The following GSG1L variants were observed in gnomAD, a reference collection of about 807,000 sequenced individuals.
The protein encoded by GSG1L is GSG1 like.
A neutral mutation model predicts 42.1 loss-of-function variants in GSG1L; 24 were observed. That is an observed-to-expected ratio of 0.57 (90% CI 0.41 to 0.80). The LOEUF is 0.80. GSG1L is among the 30% of genes least tolerant of loss of function. The pLI is 0.00. For missense variants in GSG1L, 445 were observed against 472.2 expected (o/e 0.94, Z 0.53); for synonymous variants, 215 against 203.5 (o/e 1.06, Z -0.48).
intron 5 of GSG1L, among the ~76,000 whole-genome samples, chr16:27,820,634 G>T (rs1010370460): frequency 6.6e-6 from 1 of 152,176 alleles, no homozygotes; most frequent in African/African-American, 2.4e-5. Flanking sequence ...CCCCTTCCCT[G>T]TGCACAAACC....
chr16:27,931,821 G>T (rs1212682413), intron 2 of GSG1L, among the ~76,000 whole-genome samples: 1 of 152,176 alleles, frequency 6.6e-6, no homozygotes, highest in African/African-American at 2.4e-5. Context: ...GAACAGACAG[G>T]CACAGGAGGA....
chr16:27,832,057 T>A (rs1488107616), intron 4 of GSG1L, among the ~76,000 whole-genome samples: 1 of 152,214 alleles, frequency 6.6e-6, no homozygotes, highest in Non-Finnish European at 1.5e-5. Context: ...CTCTCCATCA[T>A]TCTGTATCAC....
intron 2 of GSG1L, among the ~76,000 whole-genome samples, chr16:27,894,583 T>C (rs185879260): frequency 6.6e-6 from 1 of 152,310 alleles, no homozygotes; most frequent in Admixed American, 6.5e-5. Context: ...TTGAATCATG[T>C]AGATGATGTG....
chr16:27,992,656 T>C (rs1169968524), intron 1 of GSG1L, among the ~76,000 whole-genome samples: 1 of 152,192 alleles, frequency 6.6e-6, no homozygotes. Context: ...TCCCTCAGCC[T>C]TTGGGGATAG....
chr16:27,802,314 T>C (rs560407123), intron 6 of GSG1L, among the ~76,000 whole-genome samples: 3 of 152,284 alleles, frequency 2.0e-5, no homozygotes, highest in African/African-American at 7.2e-5. Flanking sequence ...ATCCCTGAAG[T>C]CACGGGATCT....
chr16:27,900,254 A>G (rs181526425), intron 2 of GSG1L, among the ~76,000 whole-genome samples: 24 of 152,368 alleles, frequency 1.6e-4, no homozygotes, highest in Non-Finnish European at 3.1e-4. Flanking sequence ...CGGAGGGCCA[A>G]GCACCGAGCT....
At chr16:27,853,121 A>G (rs1025988530) in intron 3 of GSG1L, among the ~76,000 whole-genome samples, 2 of 152,202 alleles carry the variant, frequency 1.3e-5, no homozygotes, top group African/African-American at 2.4e-5. Flanking sequence ...GTTTCATGAG[A>G]CCAATCGGCT....
intron 2 of GSG1L, among the ~76,000 whole-genome samples, chr16:27,936,458 C>T (rs139318868): frequency 5.3e-5 from 8 of 152,318 alleles, no homozygotes; most frequent in African/African-American, 1.4e-4. Flanking sequence ...GCACCTCCCT[C>T]CGTCTCTTGC....
chr16:27,883,349 T>C (rs1293179627), intron 3 of GSG1L, among the ~76,000 whole-genome samples: 2 of 151,934 alleles, frequency 1.3e-5, no homozygotes, highest in Non-Finnish European at 2.9e-5. Context: ...GGGGATGGGG[T>C]GCATGGAGGC....
intron 1 of GSG1L, among the ~76,000 whole-genome samples, chr16:28,030,499 G>T (rs547213426): frequency 1.3e-5 from 2 of 152,118 alleles, no homozygotes; most frequent in Non-Finnish European, 2.9e-5. Context: ...CAGACAGAAG[G>T]ACAATGGGAA....
chr16:27,792,906 C>T (rs1272325469), intron 6 of GSG1L, among the ~76,000 whole-genome samples: 2 of 152,216 alleles, frequency 1.3e-5, no homozygotes, highest in Non-Finnish European at 2.9e-5. Context: ...GGAGCCGAGG[C>T]TCTGTAAGGA....
intron 6 of GSG1L, among the ~76,000 whole-genome samples, chr16:27,797,151 T>A (rs72780141): frequency 1.3e-5 from 2 of 152,102 alleles, no homozygotes; most frequent in East Asian, 1.9e-4. Flanking sequence ...CTGCTGAGAC[T>A]TGAATCTAGC....
intron 5 of GSG1L, among the ~76,000 whole-genome samples, chr16:27,814,153 C>A (rs1220200049): frequency 6.6e-6 from 1 of 152,140 alleles, no homozygotes; most frequent in Non-Finnish European, 1.5e-5. Context: ...ACTCTGTCAC[C>A]CAGGCTGGAG....
At chr16:27,924,094 T>G (rs2084563005) in intron 2 of GSG1L, among the ~76,000 whole-genome samples, 1 of 152,022 alleles carries the variant, frequency 6.6e-6, no homozygotes, top group Non-Finnish European at 1.5e-5. Flanking sequence ...TATTTATATT[T>G]ATAAAGCATT....
rs71140925 is a variant in GSG1L, at chr16:27,938,385, T to TAA, written c.397+24769_397+24770dup. Among the ~76,000 whole-genome samples, 274 of 141,186 alleles carry TAA rather than the reference T, an allele frequency of 1.9e-3. 2 individuals carry two copies. The highest frequency in any genetic ancestry group is 3.2e-3 in the African/African-American group (120 of 37,486). The allele number at this position is 141,186 out of a possible 152,430, so 92.6% of individuals were successfully genotyped here. A position where few individuals can be genotyped will look rare whatever the true frequency, so the allele number is the denominator to read the frequency against. On this transcript the variant is annotated intron_variant, in intron 2 of 6. Transcript: ENST00000447459. ...CCTGGATGACAGAGCGAGACTCCATTAAAAAAAAAAAAAAGGCAGAGGAGC... is the reference window on the plus strand; with the variant it reads ...CCTGGATGACAGAGCGAGACTCCATTAAAAAAAAAAAAAAAAGGCAGAGGAGC...
chr16:27,983,855 A>G (rs2085351162), intron 1 of GSG1L, among the ~76,000 whole-genome samples: 1 of 152,208 alleles, frequency 6.6e-6, no homozygotes, highest in Non-Finnish European at 1.5e-5. Flanking sequence ...GCAGGAAAAC[A>G]GCCTGTTGCA....
chr16:27,894,444 C>A (rs904762197), intron 2 of GSG1L, among the ~76,000 whole-genome samples: 5 of 152,232 alleles, frequency 3.3e-5, no homozygotes, highest in African/African-American at 9.6e-5. Context: ...TCTCAAGACA[C>A]AGTGGCCTTT....
intron 3 of GSG1L, among the ~76,000 whole-genome samples, chr16:27,849,637 C>T (rs759879237): frequency 2.0e-5 from 3 of 152,194 alleles, no homozygotes; most frequent in Non-Finnish European, 4.4e-5. Flanking sequence ...CTCCTCCAGC[C>T]TCAGCCTCCT....
At position 27,796,352 on chromosome 16, in the gene GSG1L, C is replaced by T. The variant is rs189983077; in HGVS notation, c.899-4885G>A. Among the ~76,000 whole-genome samples, 570 of 147,314 alleles carry T rather than the reference C, an allele frequency of 3.9e-3. 4 individuals are homozygous for T. Among genetic ancestry groups the T allele is most frequent in the Non-Finnish European group, 2.9e-3 (195 of 66,582 alleles). On this transcript the variant is annotated intron_variant, in intron 6 of 6. Coordinates refer to ENST00000447459, the MANE Select transcript of GSG1L (RefSeq NM_001109763.2). Reference sequence around the variant, plus strand: ...GCGCTAAGAAATCGGGCTTTGGAAACCTGTCAGCTAGTGACACTCTCATCG... The same window carrying T: ...GCGCTAAGAAATCGGGCTTTGGAAATCTGTCAGCTAGTGACACTCTCATCG...
Sources: gnomAD v4.1 joint callset for allele counts (sites outside exome capture counted in the v4.1 genomes callset) on GRCh38, gnomAD v4.1.1 for gene constraint, MANE v1.5 for transcripts, NCBI Gene and HGNC (gene_info 2026-07-23, HGNC 2026-07-21) for gene names.